TRIM44: variants seen among roughly 807,000 people sequenced by gnomAD.
TRIM44 encodes tripartite motif-containing protein 44.
In TRIM44, 13 loss-of-function variants were observed where a neutral mutation model predicts 37.4. The observed-to-expected ratio is 0.35, with a 90% CI of 0.23 to 0.55. The LOEUF (loss-of-function observed/expected upper bound fraction) is 0.55, where lower values mean the gene tolerates loss of function less well. TRIM44 is among the 20% of genes least tolerant of loss of function. The probability of loss-of-function intolerance (pLI) is 0.89; values close to 1 mark genes in which losing one functional copy is unlikely to be tolerated. For missense variants in TRIM44, 426 were observed against 437.2 expected (o/e 0.97, Z 0.23); for synonymous variants, 175 against 157.2 (o/e 1.11, Z -0.85).
intron 4 of TRIM44, among the ~76,000 whole-genome samples, chr11:35,748,147 T>C (rs1230838861): frequency 6.6e-6 from 1 of 152,106 alleles, no homozygotes; most frequent in Non-Finnish European, 1.5e-5. Context: ...GGGGGCCACA[T>C]GAATGACTAC....
intron 1 of TRIM44, among the ~76,000 whole-genome samples, chr11:35,674,139 A>T (rs145850736): frequency 0.015 from 2,274 of 152,160 alleles, 59 homozygotes; most frequent in African/African-American, 0.053. Context: ...TAGTCTTGAT[A>T]CGGGGAGTAG....
chr11:35,777,493 A>T (rs879632532), intron 4 of TRIM44, among the ~76,000 whole-genome samples: 7 of 151,572 alleles, frequency 4.6e-5, no homozygotes, highest in Non-Finnish European at 7.4e-5. Context: ...TGATCCTGTC[A>T]TTATGATGTT....
chr11:35,686,211 C>T (rs895340169), intron 2 of TRIM44, among the ~76,000 whole-genome samples: 2 of 151,724 alleles, frequency 1.3e-5, no homozygotes, highest in African/African-American at 2.4e-5. Flanking sequence ...TGGAGGTAAA[C>T]GGAACTGAAC....
intron 2 of TRIM44, among the ~76,000 whole-genome samples, chr11:35,686,220 A>T (rs1851576861): frequency 6.6e-6 from 1 of 152,076 alleles, no homozygotes; most frequent in African/African-American, 2.4e-5. Context: ...ACGGAACTGA[A>T]CAGACTTCCT....
At chr11:35,722,900 G>T (rs1262715268) in intron 2 of TRIM44, among the ~76,000 whole-genome samples, 1 of 152,080 alleles carries the variant, frequency 6.6e-6, no homozygotes, top group African/African-American at 2.4e-5. Flanking sequence ...TGTAGATTTG[G>T]ATGCTTCTCT....
At chr11:35,785,319 G>A (rs937992603) in intron 4 of TRIM44, among the ~76,000 whole-genome samples, 2 of 152,234 alleles carry the variant, frequency 1.3e-5, no homozygotes, top group Non-Finnish European at 2.9e-5. Flanking sequence ...TTCCTCAGGG[G>A]TGGTGATTCA....
At chr11:35,728,983 G>A (rs1852219539) in intron 3 of TRIM44, among the ~76,000 whole-genome samples, 1 of 152,136 alleles carries the variant, frequency 6.6e-6, no homozygotes, top group African/African-American at 2.4e-5. Flanking sequence ...TATTACAGTA[G>A]AAATCTCTGG....
chr11:35,781,263 G>A (rs1055039871), intron 4 of TRIM44, among the ~76,000 whole-genome samples: 3 of 152,084 alleles, frequency 2.0e-5, no homozygotes, highest in Non-Finnish European at 2.9e-5. Flanking sequence ...TTAATGTAAT[G>A]TGCATAACAG....
chr11:35,670,122 C>G (rs538109793), intron 1 of TRIM44, among the ~76,000 whole-genome samples: 7 of 152,168 alleles, frequency 4.6e-5, no homozygotes, highest in Admixed American at 4.6e-4. Flanking sequence ...CATGCCTGGC[C>G]GTCCTTTAAA....
intron 4 of TRIM44, among the ~76,000 whole-genome samples, chr11:35,738,631 C>T (rs573344250): frequency 3.3e-5 from 5 of 152,172 alleles, no homozygotes; most frequent in Admixed American, 6.5e-5. Flanking sequence ...AGGCAAATTG[C>T]CTTTGATCTG....
chr11:35,742,511 AATTAT>A (rs1852415462), intron 4 of TRIM44, among the ~76,000 whole-genome samples: 1 of 133,366 alleles, frequency 7.5e-6, no homozygotes, highest in East Asian at 2.0e-4. Flanking sequence ...TATTAAATAT[AATTAT>A]ATTAATTGTA....
At chr11:35,792,076 C>CA (rs202002260) in intron 4 of TRIM44, among the ~76,000 whole-genome samples, 15,914 of 43,240 alleles carry the variant, frequency 0.37, 981 homozygotes, top group Non-Finnish European at 0.52. Context: ...TGCCCCTACA[C>CA]ACACACACAC....
At chr11:35,720,719 C>A (rs114726353) in intron 2 of TRIM44, among the ~76,000 whole-genome samples, 1 of 152,020 alleles carries the variant, frequency 6.6e-6, no homozygotes, top group Non-Finnish European at 1.5e-5. Flanking sequence ...CCCCCCACCC[C>A]ATTCCTAGTG....
intron 4 of TRIM44, among the ~76,000 whole-genome samples, chr11:35,746,950 G>A (rs1852499855): frequency 6.6e-6 from 1 of 152,216 alleles, no homozygotes; most frequent in African/African-American, 2.4e-5. Context: ...TTTTCTTGGT[G>A]AGTACATGTC....
At chr11:35,749,012 C>T (rs1376820938) in intron 4 of TRIM44, among the ~76,000 whole-genome samples, 2 of 152,114 alleles carry the variant, frequency 1.3e-5, no homozygotes, top group Non-Finnish European at 2.9e-5. Flanking sequence ...CAAGACTTCC[C>T]TGTATTCCTT....
chr11:35,758,212 G>T (rs1697014637), intron 4 of TRIM44, among the ~76,000 whole-genome samples: 1 of 152,216 alleles, frequency 6.6e-6, no homozygotes, highest in African/African-American at 2.4e-5. Context: ...ATTTAGGATA[G>T]TTAGCTCTTA....
At chr11:35,755,447 T>C (rs1412884097) in intron 4 of TRIM44, among the ~76,000 whole-genome samples, 1 of 152,166 alleles carries the variant, frequency 6.6e-6, no homozygotes, top group Non-Finnish European at 1.5e-5. Context: ...TCTCCCATTC[T>C]GTAGGTTGCC....
intron 4 of TRIM44, among the ~76,000 whole-genome samples, chr11:35,785,060 A>G (rs1834068023): frequency 6.6e-6 from 1 of 152,210 alleles, no homozygotes; most frequent in South Asian, 2.1e-4. Context: ...AAAAGCTACA[A>G]ATACTTGTCC....
chr11:35,670,539 G>T (rs1000679182), intron 1 of TRIM44, among the ~76,000 whole-genome samples: 12 of 152,208 alleles, frequency 7.9e-5, no homozygotes, highest in African/African-American at 2.9e-4. Context: ...TCTACGCTTT[G>T]TTTTTTACAC....
Sources: allele counts gnomAD v4.1 joint callset (sites outside exome capture counted in the v4.1 genomes callset), GRCh38; gene constraint gnomAD v4.1.1; transcripts MANE v1.5; gene names NCBI Gene and HGNC (gene_info 2026-07-23, HGNC 2026-07-21).